KSR2: variants seen among roughly 807,000 people sequenced by gnomAD.
KSR2 encodes the protein kinase suppressor of ras 2.
KSR2 carries 25 observed loss-of-function variants against 107.8 expected under a neutral mutation model. That is an observed-to-expected ratio of 0.23 (90% CI 0.17 to 0.32). KSR2 has a LOEUF of 0.32. KSR2 is among the 10% of genes least tolerant of loss of function. The pLI is 1.00. For missense variants in KSR2, 887 were observed against 1,268.9 expected, an observed-to-expected ratio of 0.70 and a Z score of 4.57; for synonymous variants, 480 against 507.0, an observed-to-expected ratio of 0.95 and a Z score of 0.71.
intron 3 of KSR2, among the ~76,000 whole-genome samples, chr12:117,791,261 C>T (rs2136974251): frequency 6.6e-6 from 1 of 151,534 alleles, no homozygotes; most frequent in Non-Finnish European, 1.5e-5. Flanking sequence ...TGCTTCCTGT[C>T]ACACCGATCC....
chr12:117,785,646 T>C (rs1467477151), intron 3 of KSR2, among the ~76,000 whole-genome samples: 2 of 152,020 alleles, frequency 1.3e-5, no homozygotes, highest in Non-Finnish European at 2.9e-5. Flanking sequence ...CTATCCAAAA[T>C]TCATTGGAAA....
chr12:117,626,898 G>A (rs925568477), intron 5 of KSR2, among the ~76,000 whole-genome samples: 5 of 152,090 alleles, frequency 3.3e-5, no homozygotes, highest in Non-Finnish European at 5.9e-5. Context: ...CCTGTATTGG[G>A]TGCATATAAA....
chr12:117,781,690 C>A (rs1381736299), intron 3 of KSR2, among the ~76,000 whole-genome samples: 1 of 152,092 alleles, frequency 6.6e-6, no homozygotes, highest in Non-Finnish European at 1.5e-5. Context: ...CATCTGAGCC[C>A]CTGGCACAAA....
chr12:117,787,593 A>G (rs1890123570), intron 3 of KSR2, among the ~76,000 whole-genome samples: 1 of 152,124 alleles, frequency 6.6e-6, no homozygotes, highest in Admixed American at 6.6e-5. Context: ...ACACTGCGCC[A>G]CTGCACTCCA....
At chr12:117,660,487 ATC>A (rs1490700197) in intron 5 of KSR2, among the ~76,000 whole-genome samples, 4 of 152,152 alleles carry the variant, frequency 2.6e-5, no homozygotes, top group Non-Finnish European at 5.9e-5. Flanking sequence ...CCATCCTGGT[ATC>A]TCTGTCCAAA....
chr12:117,687,669 C>T (rs555894893), intron 4 of KSR2, among the ~76,000 whole-genome samples: 17 of 152,260 alleles, frequency 1.1e-4, no homozygotes, highest in Admixed American at 6.5e-4. Context: ...CACTCCACCT[C>T]GGGGAATTCT....
chr12:117,783,650 T>A (rs2136951507), intron 3 of KSR2, among the ~76,000 whole-genome samples: 1 of 152,326 alleles, frequency 6.6e-6, no homozygotes, highest in South Asian at 2.1e-4. Context: ...GGAGTCCACA[T>A]CTGAAGCATG....
intron 3 of KSR2, among the ~76,000 whole-genome samples, chr12:117,829,779 T>C (rs1891890916): frequency 6.6e-6 from 1 of 152,252 alleles, no homozygotes; most frequent in African/African-American, 2.4e-5. Context: ...GATGTGACTG[T>C]GTACCAGTAA....
chr12:117,666,353 C>T (rs779538439), intron 5 of KSR2, among the ~76,000 whole-genome samples: 2 of 152,118 alleles, frequency 1.3e-5, no homozygotes, highest in African/African-American at 2.4e-5. Context: ...GTGTAAGAAC[C>T]CTTAGATAAA....
chr12:117,915,158 A>C (rs375965919), intron 1 of KSR2, among the ~76,000 whole-genome samples: 6 of 152,348 alleles, frequency 3.9e-5, no homozygotes, highest in African/African-American at 1.4e-4. Context: ...CTTTTATAAC[A>C]AACTACCATG....
intron 4 of KSR2, among the ~76,000 whole-genome samples, chr12:117,707,994 T>C (rs970971579): frequency 1.3e-5 from 2 of 152,264 alleles, no homozygotes; most frequent in Non-Finnish European, 2.9e-5. Context: ...AAATTCAAAG[T>C]GTAAATGAAG....
chr12:117,856,401 T>C (rs556369057), intron 2 of KSR2, among the ~76,000 whole-genome samples: 1 of 152,344 alleles, frequency 6.6e-6, no homozygotes, highest in South Asian at 2.1e-4. Context: ...GAGTCTTCTT[T>C]TATAGCACTT....
chr12:117,941,792 A>ATTTTTTTT (rs542293863), intron 1 of KSR2, among the ~76,000 whole-genome samples: 1 of 97,800 alleles, frequency 1.0e-5, no homozygotes, highest in Non-Finnish European at 1.9e-5. Flanking sequence ...GGCCTGGCTA[A>ATTTTTTTT]TTTTTTTTTT....
chr12:117,555,088 A>G, intron 9 of KSR2, 81 bp downstream of exon 9: 2 of 1,569,144 alleles, frequency 1.3e-6, no homozygotes, highest in Non-Finnish European at 1.7e-6. Flanking sequence ...CCATACTCCC[A>G]GATCAACCCT....
chr12:117,927,020 A>G (rs910744412), intron 1 of KSR2, among the ~76,000 whole-genome samples: 29 of 152,182 alleles, frequency 1.9e-4, no homozygotes, highest in African/African-American at 3.4e-4. Context: ...TTGGCACCCA[A>G]TCACAACACT....
chr12:117,594,931 G>A (rs568204288), intron 5 of KSR2, among the ~76,000 whole-genome samples: 1 of 152,156 alleles, frequency 6.6e-6, no homozygotes, highest in South Asian at 2.1e-4. Flanking sequence ...ACAGAACACT[G>A]TCCAGCTCCA....
intron 14 of KSR2, among the ~76,000 whole-genome samples, chr12:117,486,624 T>C (rs898754633): frequency 6.6e-6 from 1 of 152,220 alleles, no homozygotes; most frequent in Admixed American, 6.5e-5. Context: ...CTCCTGGCAT[T>C]GTGTTCATTC....
chr12:117,624,074 G>GTTGT (rs1882338492), intron 5 of KSR2, among the ~76,000 whole-genome samples: 1 of 151,860 alleles, frequency 6.6e-6, no homozygotes, highest in Admixed American at 6.6e-5. Flanking sequence ...TTTTGATGGG[G>GTTGT]TTGTTTTTTC....
At chr12:117,627,667 C>T (rs1565933110) in intron 5 of KSR2, among the ~76,000 whole-genome samples, 1 of 152,158 alleles carries the variant, frequency 6.6e-6, no homozygotes. Flanking sequence ...GTGAATCTGA[C>T]AATTATGTGT....
Sources: allele counts gnomAD v4.1 joint callset (sites outside exome capture counted in the v4.1 genomes callset), GRCh38; gene constraint gnomAD v4.1.1; transcripts MANE v1.5; gene names NCBI Gene and HGNC (gene_info 2026-07-23, HGNC 2026-07-21).